The following NHSL2 variants were observed in gnomAD, a reference collection of about 807,000 sequenced individuals.
NHSL2 encodes NHS like 2.
In NHSL2, 27 loss-of-function variants were observed where a neutral mutation model predicts 53.4. The ratio of observed to expected loss-of-function variants is 0.51; its 90% CI spans 0.37 to 0.70. NHSL2 has a LOEUF of 0.70. Among genes scored for constraint, NHSL2 ranks in the 30% least tolerant of loss-of-function variants. NHSL2 has a pLI of 0.00. For synonymous variants in NHSL2, 408 were observed against 404.1 expected, an observed-to-expected ratio of 1.01 and a Z score of -0.12; for missense variants, 892 against 980.1, an observed-to-expected ratio of 0.91 and a Z score of 1.20.
At chrX:71,957,054 C>T (rs1346496358) in intron 1 of NHSL2, among the ~76,000 whole-genome samples, 1 of 111,950 alleles carries the variant, frequency 8.9e-6, no homozygotes, top group Non-Finnish European at 1.9e-5. Flanking sequence ...AGAAAGCAGA[C>T]GCTCTCTGGG....
Position 71,939,218 on chromosome X carries a change from C to T in NHSL2, c.280+27851C>T, listed in dbSNP as rs924564108. 2.7e-5 allele frequency among the ~76,000 whole-genome samples: 3 copies of T among 111,376 alleles called. No homozygotes were observed. The Admixed American group carries it at 2.9e-4, about 11-fold the overall frequency. ...AGGAGGTAGAGGGGAGTGGGAGAAT[C>T]GGAGCCTAGAGAGGCAGGCAGGGAC... On this transcript the variant is annotated intron_variant, in intron 1 of 7. Transcript: ENST00000633930.
At chrX:72,118,347 T>G (rs991069319) in intron 1 of NHSL2, among the ~76,000 whole-genome samples, 1 of 112,414 alleles carries the variant, frequency 8.9e-6, no homozygotes, top group Non-Finnish European at 1.9e-5. Context: ...CTCCTTTGAT[T>G]TGTAAGATAT....
Position 72,132,102 on chromosome X carries a change from A to C in NHSL2, c.304A>C (p.Asn102His), listed in dbSNP as rs774714929. 18 of 1,165,330 alleles carry C rather than the reference A, an allele frequency of 1.5e-5. No homozygotes were observed. In the South Asian group the frequency reaches 2.7e-4, roughly 17 times the overall value. Residue 102 changes from asparagine to histidine, a missense_variant, in exon 2 of 8, where the codon AAT becomes CAT. Asn to His is a moderately conservative substitution (Grantham distance 68). Coordinates refer to ENST00000633930, the MANE Select transcript of NHSL2 (RefSeq NM_001013627.3). ...ELAAANSGRE[N>H]ATATAHSRSS... Reference sequence around the variant, plus strand: ...AGCTGCAGCTAACTCGGGTCGGGAAAATGCGACAGCGACTGCCCACTCGAG... The same window carrying C: ...AGCTGCAGCTAACTCGGGTCGGGAACATGCGACAGCGACTGCCCACTCGAG...
chrX:72,052,891 C>G (rs987950260), intron 1 of NHSL2, among the ~76,000 whole-genome samples: 1 of 111,749 alleles, frequency 8.9e-6, no homozygotes, highest in Admixed American at 9.4e-5. Flanking sequence ...GGAGGATTTT[C>G]TGTGTTACTA....
intron 1 of NHSL2, among the ~76,000 whole-genome samples, chrX:72,021,096 G>A (rs1159693495): frequency 1.8e-5 from 2 of 110,963 alleles, no homozygotes; most frequent in Non-Finnish European, 3.8e-5. Context: ...CACAAATATT[G>A]AGGACTATGT....
chrX:71,939,302 G>A lies in NHSL2; in HGVS notation c.280+27935G>A, dbSNP rs180814727. ...GGGCTTGGACATTATCCTGAGGGGA[G>A]CAGGGGACCATGGAATAGTTGGCCA... On this transcript the variant is annotated intron_variant, in intron 1 of 7. Transcript: ENST00000633930. Among the ~76,000 whole-genome samples, 32 of 112,071 alleles carry A rather than the reference G, an allele frequency of 2.9e-4. No individual in the cohort carries two copies. The East Asian group carries it at 5.4e-3, about 19-fold the overall frequency.
chrX:72,085,549 G>A (rs1318250466), intron 1 of NHSL2, among the ~76,000 whole-genome samples: 1 of 111,294 alleles, frequency 9.0e-6, no homozygotes, highest in Non-Finnish European at 1.9e-5. Flanking sequence ...AATCCAGTTA[G>A]TTCCTTTTGA....
intron 1 of NHSL2, among the ~76,000 whole-genome samples, chrX:72,046,819 A>G (rs2042308463): frequency 9.0e-6 from 1 of 110,567 alleles, no homozygotes; most frequent in African/African-American, 3.3e-5. Context: ...GGAGCAGATA[A>G]ATGAGTTGCC....
intron 1 of NHSL2, among the ~76,000 whole-genome samples, chrX:71,983,949 A>G (rs899704266): frequency 1.8e-5 from 2 of 111,242 alleles, no homozygotes; most frequent in South Asian, 3.9e-4. Flanking sequence ...CCGACCCCCT[A>G]TCTCATGCTG....
chrX:72,035,490 A>G (rs1291945687), intron 1 of NHSL2, among the ~76,000 whole-genome samples: 3 of 111,405 alleles, frequency 2.7e-5, no homozygotes, highest in African/African-American at 9.8e-5. Context: ...TTGTGGATTC[A>G]TCAATTTGTC....
chrX:72,129,564 C>G, intron 1 of NHSL2: 1 of 343,747 alleles, frequency 2.9e-6, no homozygotes, highest in Non-Finnish European at 5.0e-6. Flanking sequence ...GAAACTTGCT[C>G]TCCAGCTCGT....
chrX:72,143,474 C>T lies in NHSL2; in HGVS notation c.3578C>T (p.Pro1193Leu). 1 of 1,165,956 alleles carries T rather than the reference C, an allele frequency of 8.6e-7. No individual in the cohort carries two copies. Among genetic ancestry groups the T allele is most frequent in the South Asian group, 1.9e-5 (1 of 52,703 alleles). ...AGTAAGGCAACTCCAAGGTCTCGTCCCTCAGCAGCTGAACTTCTGAAGACC... is the reference window on the plus strand; with the variant it reads ...AGTAAGGCAACTCCAAGGTCTCGTCTCTCAGCAGCTGAACTTCTGAAGACC... Reference protein sequence around the residue: ...KGSKATPRSRPSAAELLKTTN... With the variant: ...KGSKATPRSRLSAAELLKTTN... The change falls in exon 8 of 8, where the codon CCC (proline) becomes CTC (leucine). Residue 1193 changes from proline to leucine, a missense_variant. Physicochemically the swap from Pro to Leu is moderately conservative, Grantham distance 98 (BLOSUM62 -3). Coordinates refer to ENST00000633930, the MANE Select transcript of NHSL2 (RefSeq NM_001013627.3).
intron 1 of NHSL2, among the ~76,000 whole-genome samples, chrX:71,977,823 G>A (rs903751360): frequency 8.9e-6 from 1 of 111,965 alleles, no homozygotes; most frequent in Non-Finnish European, 1.9e-5. Flanking sequence ...TTAGGAGGAT[G>A]GTGGAAAGTT....
chrX:72,049,021 G>GGAAGAGGAAGAA (rs2042323780), intron 1 of NHSL2, among the ~76,000 whole-genome samples: 1 of 91,024 alleles, frequency 1.1e-5, no homozygotes, highest in Non-Finnish European at 2.0e-5. Flanking sequence ...AAGAGGAAGA[G>GGAAGAGGAAGAA]GAAGAGGAAG....
intron 1 of NHSL2, among the ~76,000 whole-genome samples, chrX:71,923,428 G>T (rs899219341): frequency 1.8e-5 from 2 of 112,364 alleles, no homozygotes; most frequent in South Asian, 7.4e-4. Context: ...GTCAGACAAG[G>T]CATTGGGCTT....
intron 1 of NHSL2, among the ~76,000 whole-genome samples, chrX:72,089,780 A>G (rs1179552486): frequency 9.0e-6 from 1 of 110,860 alleles, no homozygotes; most frequent in Admixed American, 9.5e-5. Flanking sequence ...AGATCCCTCT[A>G]AGAGTGGGAC....
At chrX:72,027,960 G>T (rs1336828966) in intron 1 of NHSL2, among the ~76,000 whole-genome samples, 8 of 111,974 alleles carry the variant, frequency 7.1e-5, no homozygotes, top group Admixed American at 9.4e-5. Flanking sequence ...GAGTTTAGGA[G>T]TGTGAGGTGT....
At chrX:72,024,574 A>T (rs1353759803) in intron 1 of NHSL2, among the ~76,000 whole-genome samples, 1 of 112,294 alleles carries the variant, frequency 8.9e-6, no homozygotes, top group Non-Finnish European at 1.9e-5. Flanking sequence ...GGACGGGCAC[A>T]GAGAGGCTGA....
chrX:71,937,237 T>A (rs2041743481), intron 1 of NHSL2, among the ~76,000 whole-genome samples: 1 of 111,404 alleles, frequency 9.0e-6, no homozygotes, highest in South Asian at 3.8e-4. Flanking sequence ...GTGGAGCTCA[T>A]GTTCTCAGTA....
Sources: gnomAD v4.1 joint callset for allele counts (sites outside exome capture counted in the v4.1 genomes callset) on GRCh38, gnomAD v4.1.1 for gene constraint, MANE v1.5 for transcripts, NCBI Gene and HGNC (gene_info 2026-07-23, HGNC 2026-07-21) for gene names.